Variants in ZNF106 observed in about 807,000 individuals in gnomAD.
ZNF106 encodes SH3-domain binding protein 3.
ZNF106 carries 67 observed loss-of-function variants against 195.1 expected under a neutral mutation model. The observed-to-expected ratio is 0.34, with a 90% confidence interval of 0.28 to 0.42. ZNF106 has a LOEUF of 0.42. Among genes scored for constraint, ZNF106 ranks in the 10% least tolerant of loss-of-function variants. The pLI is 1.00. For missense variants in ZNF106, 2,118 were observed against 2,304.5 expected (o/e 0.92, Z 1.66); for synonymous variants, 784 against 818.6 (o/e 0.96, Z 0.72).
At chr15:42,486,386 A>G (rs955885101) in intron 1 of ZNF106, among the ~76,000 whole-genome samples, 1 of 152,062 alleles carries the variant, frequency 6.6e-6, no homozygotes, top group African/African-American at 2.4e-5. Flanking sequence ...CAGCCTCCCA[A>G]GTAGCTGGGA....
At chr15:42,478,746 A>G (rs748674224) in intron 1 of ZNF106, among the ~76,000 whole-genome samples, 5 of 151,922 alleles carry the variant, frequency 3.3e-5, no homozygotes, top group African/African-American at 4.8e-5. Context: ...TCCTGACCTC[A>G]GGCTATCTGC....
chr15:42,454,294 T>C (rs2056155192), intron 4 of ZNF106, among the ~76,000 whole-genome samples: 1 of 152,216 alleles, frequency 6.6e-6, no homozygotes, highest in African/African-American at 2.4e-5. Flanking sequence ...GTAACAAGTA[T>C]TATTACATGC....
At chr15:42,426,756 T>C (rs2054874589) in intron 15 of ZNF106, among the ~76,000 whole-genome samples, 1 of 152,166 alleles carries the variant, frequency 6.6e-6, no homozygotes, top group Non-Finnish European at 1.5e-5. Flanking sequence ...TAGGCAATTA[T>C]CACGTTTTAG....
Position 42,451,954 on chromosome 15 carries a change from T to C in ZNF106, c.318A>G (p.Arg106=), listed in dbSNP as rs763820790. 1.3e-6 allele frequency: 2 copies of C among 1,599,442 alleles called. No individual in the cohort carries two copies. Among genetic ancestry groups the C allele is most frequent in the East Asian group, 2.2e-5 (1 of 44,668 alleles). ...QLIKQRKEQS[R]QDEPSNSNQE... is the part of the protein sequence containing the mutation. Reference sequence around the variant, plus strand: ...GGTTGCTATTGGAAGGTTCATCTTGTCTGGAAGAAAAACAGTTTTTCATTA... The same window carrying C: ...GGTTGCTATTGGAAGGTTCATCTTGCCTGGAAGAAAAACAGTTTTTCATTA... The change falls in exon 5 of 22, where the codon CGA becomes CGG. Residue 106 remains arginine, a splice_region_variant and synonymous_variant. Transcript: ENST00000564754.
chr15:42,485,981 C>T (rs1391148855), intron 1 of ZNF106, among the ~76,000 whole-genome samples: 6 of 138,586 alleles, frequency 4.3e-5, no homozygotes, highest in Non-Finnish European at 9.1e-5. Flanking sequence ...TTTTTTGAGA[C>T]GGAGTCTCGC....
intron 14 of ZNF106, among the ~76,000 whole-genome samples, chr15:42,428,391 T>C (rs1440707223): frequency 1.3e-5 from 2 of 152,204 alleles, no homozygotes; most frequent in Non-Finnish European, 2.9e-5. Flanking sequence ...ATGTAGAAAT[T>C]CTTCAAAGGG....
intron 7 of ZNF106, among the ~76,000 whole-genome samples, 174 bp from the exon 8 acceptor site, chr15:42,445,155 C>G (rs866943464): frequency 1.3e-5 from 2 of 152,140 alleles, no homozygotes; most frequent in Non-Finnish European, 2.9e-5. Context: ...AGCTAGGAAC[C>G]AAAAGTGAGA....
At chr15:42,442,446 C>A (rs769349055) in intron 9 of ZNF106, 32 bp from the exon 10 acceptor site, 8 of 1,541,556 alleles carry the variant, frequency 5.2e-6, no homozygotes, top group Admixed American at 2.0e-5. Context: ...CATAGAAATG[C>A]AAAAATGTTA....
rs142950277 is a variant in ZNF106 at position 42,451,902 on chromosome 15, G to A, written c.370C>T (p.Pro124Ser). The A allele has an allele frequency of 1.3e-5, 21 of 1,613,972 alleles. No homozygotes were observed. The highest frequency in any genetic ancestry group is 1.8e-5 in the Non-Finnish European group (21 of 1,180,024). ...ATTCGGTCTTCTCGTCTCCATTGGG[G>A]TCGTCTGTCATCAGAGTTTATTTCT... ...NQEINSDDRR[P>S]QWRREDRIPY... is the part of the protein sequence containing the mutation. Residue 124 changes from proline to serine, a missense_variant, in exon 5 of 22, where the codon CCC becomes TCC. By Grantham distance (74) the Pro-to-Ser change is moderately conservative. Transcript: ENST00000564754.
chr15:42,421,289 G>T (rs936324965), intron 19 of ZNF106, among the ~76,000 whole-genome samples, 157 bp from the exon 20 acceptor site: 1 of 152,178 alleles, frequency 6.6e-6, no homozygotes, highest in African/African-American at 2.4e-5. Context: ...GTATTTTCCA[G>T]ATCTTCTAGT....
intron 1 of ZNF106, among the ~76,000 whole-genome samples, chr15:42,485,420 T>A (rs1038406220): frequency 1.3e-5 from 2 of 152,082 alleles, no homozygotes; most frequent in Admixed American, 1.3e-4. Flanking sequence ...TGAGAAAAAA[T>A]AAATTACTTC....
chr15:42,442,347 A>G lies in ZNF106; in HGVS notation c.3489T>C (p.Ser1163=), dbSNP rs1173618408. 1 of 1,614,212 alleles carries G rather than the reference A, an allele frequency of 6.2e-7. No individual in the cohort carries two copies. Among genetic ancestry groups the G allele is most frequent in the African/African-American group, 1.3e-5 (1 of 75,054 alleles). ...CGGCATCAATGGATGTTTGAGATCTACTGTTCCTTCGTTCTCGTGTGAGGC... is the reference window on the plus strand; with the variant it reads ...CGGCATCAATGGATGTTTGAGATCTGCTGTTCCTTCGTTCTCGTGTGAGGC... ...PCSLTRERRN[S]RSQTSIDAAL... The change falls in exon 10 of 22, where the codon AGT becomes AGC. Residue 1163 remains serine, a synonymous_variant. Transcript: ENST00000564754.
At chr15:42,430,818 G>C (rs2055024172) in intron 14 of ZNF106, among the ~76,000 whole-genome samples, 1 of 151,490 alleles carries the variant, frequency 6.6e-6, no homozygotes, top group Non-Finnish European at 1.5e-5. Context: ...TTTTTTACAA[G>C]TTTGTATAAT....
At chr15:42,418,027 TC>T (rs1449193531) in intron 20 of ZNF106, 76 bp from the exon 21 acceptor site, 14 of 1,451,450 alleles carry the variant, frequency 9.6e-6, no homozygotes, top group African/African-American at 2.9e-5. Flanking sequence ...CCCAGCTGGA[TC>T]CCATAAGCAC....
intron 4 of ZNF106, among the ~76,000 whole-genome samples, chr15:42,453,886 C>A (rs1421755524): frequency 1.3e-5 from 2 of 152,056 alleles, no homozygotes; most frequent in Non-Finnish European, 1.5e-5. Flanking sequence ...GGCATGTATT[C>A]TTATTATTCC....
At position 42,417,238 on chromosome 15, in the gene ZNF106, C is replaced by T; in HGVS notation, c.*66G>A. 6.4e-7 allele frequency: 1 copy of T among 1,555,544 alleles called. No homozygotes were observed. Among genetic ancestry groups the T allele is most frequent in the Non-Finnish European group, 8.9e-7 (1 of 1,128,474 alleles). ...TTCACCAAGAAAGGGAAGAGAGTGG[C>T]CTGTGTGGGGGGCCAATGTGAAAAT... On this transcript the variant is annotated 3_prime_UTR_variant, in exon 22 of 22. Transcript: ENST00000564754.
rs537129725 is a variant in ZNF106, at chr15:42,433,116, A to T, written c.4881+2268T>A. On this transcript the variant is annotated intron_variant, in intron 14 of 21. Transcript: ENST00000564754. ...TAAGTATATTTTTATTTATTTATTT[A>T]TTTTTTTGAGACGGAGTCTTGCTCT... Among the ~76,000 whole-genome samples the T allele has an allele frequency of 4.2e-3, 634 of 151,254 alleles. 1 individual carries two copies. Among genetic ancestry groups the T allele is most frequent in the Non-Finnish European group, 7.3e-3 (495 of 67,722 alleles).
At chr15:42,449,306 T>C (rs1050947806) in intron 5 of ZNF106, among the ~76,000 whole-genome samples, 4 of 152,220 alleles carry the variant, frequency 2.6e-5, no homozygotes, top group Admixed American at 2.0e-4. Context: ...AAGCATGTTG[T>C]AGTCATAAAG....
At chr15:42,423,937 C>A in intron 17 of ZNF106, 61 bp downstream of exon 17, 1 of 1,486,706 alleles carries the variant, frequency 6.7e-7, no homozygotes, top group Non-Finnish European at 9.1e-7. Flanking sequence ...TTTAAGAAAA[C>A]CATCAAGCTT....
Sources: gnomAD v4.1 joint callset for allele counts (sites outside exome capture counted in the v4.1 genomes callset) on GRCh38, gnomAD v4.1.1 for gene constraint, MANE v1.5 for transcripts, NCBI Gene and HGNC (gene_info 2026-07-23, HGNC 2026-07-21) for gene names.